The following RANBP17 variants were observed in gnomAD, a reference collection of about 807,000 sequenced individuals.
RANBP17 encodes RAN binding protein 17.
RANBP17 carries 158 observed loss-of-function variants against 141.2 expected under a neutral mutation model. The observed-to-expected ratio is 1.12, with a 90% confidence interval of 0.98 to 1.28. The LOEUF (loss-of-function observed/expected upper bound fraction) is 1.28. Among genes scored for constraint, RANBP17 ranks in the 50% most tolerant of loss-of-function variants. The pLI, the probability that RANBP17 is intolerant of heterozygous loss-of-function variation, is 0.00. For missense variants in RANBP17, 1,438 were observed against 1,290.7 expected, an observed-to-expected ratio of 1.11 and a Z score of -1.75; for synonymous variants, 430 against 450.0, an observed-to-expected ratio of 0.96 and a Z score of 0.56.
chr5:170,866,613 T>C (rs1767280828), intron 1 of RANBP17, among the ~76,000 whole-genome samples: 1 of 151,572 alleles, frequency 6.6e-6, no homozygotes, highest in African/African-American at 2.4e-5. Flanking sequence ...AGGCGGAGCT[T>C]GCAGTGAGCC....
intron 25 of RANBP17, among the ~76,000 whole-genome samples, chr5:171,267,500 G>A (rs2128022453): frequency 6.6e-6 from 1 of 152,186 alleles, no homozygotes; most frequent in Non-Finnish European, 1.5e-5. Flanking sequence ...GAGCAAATAA[G>A]TTGCCTGCAA....
At chr5:170,896,962 T>C in intron 5 of RANBP17, 3 of 979,642 alleles carry the variant, frequency 3.1e-6, no homozygotes, top group Non-Finnish European at 4.7e-6. Flanking sequence ...GGTTGGCCAG[T>C]GCGAAAACCA....
chr5:170,948,231 A>AGTT (rs1361926057), intron 12 of RANBP17, among the ~76,000 whole-genome samples: 2 of 152,154 alleles, frequency 1.3e-5, no homozygotes, highest in African/African-American at 4.8e-5. Flanking sequence ...AGAGGAGCTA[A>AGTT]ATGTAAGTGC....
At chr5:170,929,831 C>T (rs140034378) in intron 12 of RANBP17, among the ~76,000 whole-genome samples, 4 of 152,084 alleles carry the variant, frequency 2.6e-5, no homozygotes, top group Admixed American at 1.3e-4. Context: ...GTGAAGCCAG[C>T]GGGCCAAGAG....
Position 170,968,341 on chromosome 5 carries a change from A to T in RANBP17, c.1674A>T (p.Lys558Asn). 6.2e-7 allele frequency: 1 copy of T among 1,608,526 alleles called. No individual in the cohort carries two copies. Among genetic ancestry groups the T allele is most frequent in the Non-Finnish European group, 8.5e-7 (1 of 1,177,782 alleles). The stretch of plus-strand genomic sequence containing the variant: ...TGTGGTTCTTGGATCAGTTTCGTAA[A>T]ACATATGTTGGTGATCAACTTCAAA... Reference protein sequence around the residue: ...AILWFLDQFRKTYVGDQLQRT... With the variant: ...AILWFLDQFRNTYVGDQLQRT... The change falls in exon 14 of 28, where the codon AAA becomes AAT. Residue 558 changes from lysine (K) to asparagine (N), a missense_variant. Lys to Asn is a moderately conservative substitution (Grantham distance 94). Transcript: ENST00000523189.
intron 12 of RANBP17, among the ~76,000 whole-genome samples, chr5:170,930,720 T>C (rs1773301054): frequency 6.6e-6 from 1 of 152,130 alleles, no homozygotes; most frequent in Non-Finnish European, 1.5e-5. Flanking sequence ...TTCATCCATG[T>C]CCCTATAAAG....
intron 14 of RANBP17, among the ~76,000 whole-genome samples, chr5:171,154,426 G>A (rs182216385): frequency 7.2e-5 from 11 of 152,124 alleles, no homozygotes; most frequent in Non-Finnish European, 1.3e-4. Context: ...ACAGGCATGC[G>A]CCACCATGCC....
intron 22 of RANBP17, 37 bp downstream of exon 22, chr5:171,221,877 GT>G: frequency 8.8e-7 from 1 of 1,135,242 alleles, no homozygotes; most frequent in Non-Finnish European, 1.3e-6. Context: ...CTGCAATATA[GT>G]TTTATCTCTT....
In RANBP17 at chr5:171,046,165, G is replaced by A. The variant is rs553273176; in HGVS notation, c.1710+77788G>A. On this transcript the variant is annotated intron_variant, in intron 14 of 27. Coordinates refer to ENST00000523189, the MANE Select transcript of RANBP17 (RefSeq NM_022897.5). ...CCATCATAGGATCCCTAAAAGAACT[G>A]GAACTTGATTTTTTACCCTATTCAT... 2.7e-5 allele frequency among the ~76,000 whole-genome samples: 4 copies of A among 150,424 alleles called. No homozygotes were observed. In the East Asian group the frequency reaches 5.9e-4, roughly 22 times the overall value.
rs140697004 is a variant in RANBP17, at chr5:171,077,144, C to A, written c.1711-92986C>A. On this transcript the variant is annotated intron_variant, in intron 14 of 27. Transcript: ENST00000523189. ...CATGAGGTCAGAAGATAGAGACCAT[C>A]CTGGCAAACACGGTGAAACCCCGTC... Among the ~76,000 whole-genome samples the A allele has an allele frequency of 2.5e-3, 383 of 152,186 alleles. 3 individuals are homozygous for A. Among genetic ancestry groups the A allele is most frequent in the African/African-American group, 9.0e-3 (375 of 41,524 alleles).
At chr5:170,986,263 CTG>C (rs1178469497) in intron 14 of RANBP17, among the ~76,000 whole-genome samples, 3 of 152,110 alleles carry the variant, frequency 2.0e-5, no homozygotes, top group African/African-American at 7.2e-5. Context: ...CCTTTTGACT[CTG>C]TGGCTCTCAG....
At chr5:170,893,426 A>G (rs1769820141) in intron 4 of RANBP17, among the ~76,000 whole-genome samples, 1 of 152,176 alleles carries the variant, frequency 6.6e-6, no homozygotes, top group Admixed American at 6.5e-5. Context: ...ATTTGAAGAT[A>G]TATGTATATA....
chr5:171,035,172 A>T (rs1781790649), intron 14 of RANBP17, among the ~76,000 whole-genome samples: 1 of 152,222 alleles, frequency 6.6e-6, no homozygotes. Context: ...AAAAATCTAA[A>T]TAAAGTGCAG....
At chr5:170,967,748 A>T (rs1776685921) in intron 13 of RANBP17, among the ~76,000 whole-genome samples, 1 of 151,702 alleles carries the variant, frequency 6.6e-6, no homozygotes. Flanking sequence ...CATTAAGGGC[A>T]GGATATAACT....
chr5:170,988,241 A>T (rs1778281932), intron 14 of RANBP17, among the ~76,000 whole-genome samples: 1 of 151,544 alleles, frequency 6.6e-6, no homozygotes, highest in Non-Finnish European at 1.5e-5. Flanking sequence ...TCTGATGTGA[A>T]TGGCACTTTT....
chr5:171,078,125 CT>C lies in RANBP17; in HGVS notation c.1711-92001del. Among the ~76,000 whole-genome samples, 6 of 138,168 alleles carry C rather than the reference CT, an allele frequency of 4.3e-5. No homozygotes were observed. In the South Asian group the frequency reaches 1.0e-3, roughly 24 times the overall value. The allele number at this position is 138,168 out of a possible 152,430, so 90.6% of individuals were successfully genotyped here. On this transcript the variant is annotated intron_variant, in intron 14 of 27. Transcript: ENST00000523189. ...TTCACTAAACAACAGATTTTCTTTTCTTTTCTTTCTTTTTTTTTTTTTTTTT... is the reference window on the plus strand; with the variant it reads ...TTCACTAAACAACAGATTTTCTTTTCTTTCTTTCTTTTTTTTTTTTTTTTT...
At chr5:170,943,397 C>T (rs577216428) in intron 12 of RANBP17, among the ~76,000 whole-genome samples, 22 of 151,944 alleles carry the variant, frequency 1.4e-4, no homozygotes, top group Non-Finnish European at 2.8e-4. Flanking sequence ...AACAATAATC[C>T]GTAAGAAATA....
At chr5:171,281,547 G>A (rs769285250) in intron 25 of RANBP17, among the ~76,000 whole-genome samples, 16 of 152,118 alleles carry the variant, frequency 1.1e-4, no homozygotes, top group Admixed American at 5.9e-4. Context: ...CCTGAAGGCC[G>A]CAGAGACCAC....
At chr5:170,936,936 T>C (rs1581188589) in intron 12 of RANBP17, among the ~76,000 whole-genome samples, 1 of 152,212 alleles carries the variant, frequency 6.6e-6, no homozygotes, top group Admixed American at 6.5e-5. Context: ...TTATCTGATA[T>C]TACTGTAACC....
Sources: gnomAD v4.1 joint callset for allele counts (sites outside exome capture counted in the v4.1 genomes callset) on GRCh38, gnomAD v4.1.1 for gene constraint, MANE v1.5 for transcripts, NCBI Gene and HGNC (gene_info 2026-07-23, HGNC 2026-07-21) for gene names.